Variants in EDNRB observed in about 807,000 individuals in gnomAD.
EDNRB encodes the protein endothelin receptor type B, also known as Hirschsprung disease 2.
In EDNRB, 18 loss-of-function variants were observed where a neutral mutation model predicts 46.4. That is an observed-to-expected ratio of 0.39 (90% CI 0.27 to 0.57). EDNRB has a LOEUF of 0.57. Among genes scored for constraint, EDNRB ranks in the 20% least tolerant of loss-of-function variants. The pLI, the probability that EDNRB is intolerant of heterozygous loss-of-function variation, is 0.61. For missense variants in EDNRB, 434 were observed against 537.5 expected (o/e 0.81, Z 1.90); for synonymous variants, 213 against 204.9 (o/e 1.04, Z -0.34).
intron 1 of EDNRB, among the ~76,000 whole-genome samples, chr13:77,905,093 A>G (rs1879206418): frequency 6.6e-6 from 1 of 151,938 alleles, no homozygotes; most frequent in Non-Finnish European, 1.5e-5. Flanking sequence ...TATATGCTTA[A>G]TGTAGGATCC....
chr13:77,957,843 G>C (rs12720126), intron 1 of EDNRB, among the ~76,000 whole-genome samples: 2 of 152,172 alleles, frequency 1.3e-5, no homozygotes, highest in Admixed American at 1.3e-4. Flanking sequence ...AGGGCATAGT[G>C]ATTAGGAATA....
intron 1 of EDNRB, among the ~76,000 whole-genome samples, chr13:77,974,506 T>C (rs866000320): frequency 2.0e-5 from 3 of 152,142 alleles, no homozygotes; most frequent in Non-Finnish European, 4.4e-5. Context: ...CAATTATCAA[T>C]TATAGGTTTC....
chr13:77,896,768 C>G lies in EDNRB; in HGVS notation c.*1432G>C, dbSNP rs1313397006. On this transcript the variant is annotated 3_prime_UTR_variant, in exon 7 of 7. Coordinates refer to ENST00000646607, the MANE Select transcript of EDNRB (RefSeq NM_001122659.3). ...TCCCCATGGGTTTCCTCCAACCCCA[C>G]CTCATTTCCTCTCTCTTCCGTTTTC... 3 of 1,331,608 alleles carry G rather than the reference C, an allele frequency of 2.3e-6. No homozygotes were observed. The highest frequency in any genetic ancestry group is 3.6e-5 in the Admixed American group (1 of 28,034). The allele number at this position is 1,331,608 out of a possible 1,614,324, so 82.5% of individuals were successfully genotyped here.
At chr13:77,944,705 C>T (rs984784339) in intron 1 of EDNRB, 17 of 152,016 alleles carry the variant, frequency 1.1e-4, no homozygotes, top group Admixed American at 3.9e-4. Flanking sequence ...AACAGGATTT[C>T]TAAAGGCAGA....
intron 1 of EDNRB, among the ~76,000 whole-genome samples, chr13:77,960,396 G>T (rs879722411): frequency 1.3e-5 from 2 of 152,152 alleles, no homozygotes; most frequent in Admixed American, 1.3e-4. Flanking sequence ...CATTATTAAA[G>T]AAAAGAATTT....
At chr13:77,938,513 A>T (rs1880635955) in intron 1 of EDNRB, among the ~76,000 whole-genome samples, 1 of 151,992 alleles carries the variant, frequency 6.6e-6, no homozygotes, top group Admixed American at 6.5e-5. Flanking sequence ...CCCCCAGAAA[A>T]GTGGTACTTG....
intron 6 of EDNRB, chr13:77,899,599 T>C (rs1878827461): frequency 1.3e-5 from 5 of 398,564 alleles, no homozygotes; most frequent in Non-Finnish European, 2.3e-5. Flanking sequence ...CATGTAATTT[T>C]TATTACTTTT....
At chr13:77,955,496 G>T (rs117450375) in intron 1 of EDNRB, among the ~76,000 whole-genome samples, 2,237 of 152,070 alleles carry the variant, frequency 0.015, 45 homozygotes, top group East Asian at 0.024. Context: ...TGTCTATTTT[G>T]GCTTTTGTTG....
At chr13:77,954,521 T>TTTAC in intron 1 of EDNRB, among the ~76,000 whole-genome samples, 1 of 149,068 alleles carries the variant, frequency 6.7e-6, no homozygotes, top group Non-Finnish European at 1.5e-5. Context: ...TATTTATTTA[T>TTTAC]TTATTTTTGA....
intron 1 of EDNRB, among the ~76,000 whole-genome samples, chr13:77,933,763 G>A (rs985620178): frequency 6.6e-6 from 1 of 152,302 alleles, no homozygotes; most frequent in Non-Finnish European, 1.5e-5. Flanking sequence ...AGCGGGATTA[G>A]GGGTAGCGTG....
chr13:77,943,077 T>C (rs1880799144), intron 1 of EDNRB, among the ~76,000 whole-genome samples: 2 of 152,142 alleles, frequency 1.3e-5, no homozygotes. Context: ...ATTCTCCATA[T>C]TGTAGTCATT....
At chr13:77,953,540 T>C (rs908138605) in intron 1 of EDNRB, among the ~76,000 whole-genome samples, 3 of 152,112 alleles carry the variant, frequency 2.0e-5, no homozygotes, top group Non-Finnish European at 4.4e-5. Context: ...AGTAAAGAGA[T>C]TGGGCTTTCT....
At position 77,897,135 on chromosome 13, in the gene EDNRB, A is replaced by C; in HGVS notation, c.*1065T>G. On this transcript the variant is annotated 3_prime_UTR_variant, in exon 7 of 7. Transcript: ENST00000646607. Reference sequence around the variant, plus strand: ...AGAGGGTGCTACCTGCCCCTTTGTCATGTGGACACTGCACCAGGCAGTTCA... The same window carrying C: ...AGAGGGTGCTACCTGCCCCTTTGTCCTGTGGACACTGCACCAGGCAGTTCA... 1.0e-6 allele frequency: 1 copy of C among 985,768 alleles called. No individual in the cohort carries two copies. The highest frequency in any genetic ancestry group is 1.2e-6 in the Non-Finnish European group (1 of 830,288). The allele number at this position is 985,768 out of a possible 1,614,324, so 61.1% of individuals were successfully genotyped here. A position where few individuals can be genotyped will look rare whatever the true frequency, so the allele number is the denominator to read the frequency against.
chr13:77,926,344 G>T (rs1880237209), intron 1 of EDNRB, among the ~76,000 whole-genome samples: 1 of 152,172 alleles, frequency 6.6e-6, no homozygotes, highest in Non-Finnish European at 1.5e-5. Flanking sequence ...TTTTAAAATG[G>T]AATGCTTTTA....
At chr13:77,902,633 A>G (rs980432716) in intron 3 of EDNRB, among the ~76,000 whole-genome samples, 4 of 151,870 alleles carry the variant, frequency 2.6e-5, no homozygotes, top group Admixed American at 6.6e-5. Flanking sequence ...TGCTCTTTTT[A>G]AAATAGCCAA....
At chr13:77,973,228 C>G (rs529669734) in intron 1 of EDNRB, among the ~76,000 whole-genome samples, 1 of 152,104 alleles carries the variant, frequency 6.6e-6, no homozygotes, top group South Asian at 2.1e-4. Flanking sequence ...TCAAAGAAAG[C>G]CAAATACCAT....
intron 1 of EDNRB, among the ~76,000 whole-genome samples, chr13:77,951,156 T>A (rs1292512718): frequency 6.6e-6 from 1 of 152,180 alleles, no homozygotes; most frequent in Non-Finnish European, 1.5e-5. Flanking sequence ...AGGATTTAGA[T>A]GGGAATGACC....
chr13:77,898,630 A>C (rs573502253), intron 6 of EDNRB, among the ~76,000 whole-genome samples: 9 of 152,122 alleles, frequency 5.9e-5, no homozygotes, highest in African/African-American at 2.2e-4. Context: ...ATAAACATAT[A>C]ATTCAAGACT....
At chr13:77,942,344 A>G (rs1162457975) in intron 1 of EDNRB, among the ~76,000 whole-genome samples, 1 of 152,196 alleles carries the variant, frequency 6.6e-6, no homozygotes, top group African/African-American at 2.4e-5. Flanking sequence ...CTTCACAACA[A>G]CGCTGAAAGA....
Sources: gnomAD v4.1 joint callset for allele counts (sites outside exome capture counted in the v4.1 genomes callset) on GRCh38, gnomAD v4.1.1 for gene constraint, MANE v1.5 for transcripts, NCBI Gene and HGNC (gene_info 2026-07-23, HGNC 2026-07-21) for gene names.